The following ABCE1 variants were observed in gnomAD, a reference collection of about 807,000 sequenced individuals.
The protein encoded by ABCE1 is ATP-binding cassette sub-family E member 1.
Under a neutral mutation model 83.4 loss-of-function variants are expected in ABCE1, and 22 were observed. The observed-to-expected ratio is 0.26, with a 90% CI of 0.19 to 0.38. The LOEUF (loss-of-function observed/expected upper bound fraction) is 0.38, where lower values mean the gene tolerates loss of function less well. Ranked by LOEUF, ABCE1 falls within the 10% of genes least tolerant of loss-of-function variation. The pLI is 1.00. For synonymous variants in ABCE1, 204 were observed against 233.7 expected, an observed-to-expected ratio of 0.87 and a Z score of 1.16; for missense variants, 330 against 721.9, an observed-to-expected ratio of 0.46 and a Z score of 6.22.
rs771006105 is a variant in ABCE1 at position 145,121,409 on chromosome 4, A to G, written c.1263+18A>G. The G allele has an allele frequency of 4.4e-6, 7 of 1,595,124 alleles. No homozygotes were observed. The East Asian group carries it at 1.6e-4, about 36-fold the overall frequency. On this transcript the variant is annotated intron_variant, in intron 13 of 17. Coordinates refer to ENST00000296577, the MANE Select transcript of ABCE1 (RefSeq NM_002940.3). ...AATCAACTGTGAGTTATTATTTTTT[A>G]TATGGTTACTAAAGAAAATTTTGTA...
At chr4:145,113,281 G>GTCAA (rs1749529637) in intron 9 of ABCE1, among the ~76,000 whole-genome samples, 1 of 152,202 alleles carries the variant, frequency 6.6e-6, no homozygotes, top group Non-Finnish European at 1.5e-5. Context: ...GCACGGAAAT[G>GTCAA]TCAAGAAAGC....
At chr4:145,110,758 G>A (rs1207167334) in intron 7 of ABCE1, 38 of 542,066 alleles carry the variant, frequency 7.0e-5, no homozygotes, top group Admixed American at 6.7e-4. Context: ...CACTGCGCCC[G>A]GCCATTTTGT....
chr4:145,115,089 A>C (rs906591171), intron 9 of ABCE1, among the ~76,000 whole-genome samples: 1 of 151,940 alleles, frequency 6.6e-6, no homozygotes, highest in Admixed American at 6.6e-5. Context: ...GCCCCAAATT[A>C]ACTGTAGGGT....
chr4:145,111,510 TAG>T (rs987847438), intron 8 of ABCE1, among the ~76,000 whole-genome samples: 4 of 152,126 alleles, frequency 2.6e-5, no homozygotes, highest in African/African-American at 9.7e-5. Flanking sequence ...GTATTTTTAG[TAG>T]AGACGGGGTT....
chr4:145,110,352 CTG>C, intron 6 of ABCE1, 21 bp from the exon 7 acceptor site: 2 of 1,606,960 alleles, frequency 1.2e-6, no homozygotes, highest in Non-Finnish European at 1.7e-6. Context: ...AAAATAGTAA[CTG>C]TTTTTGGTAT....
intron 9 of ABCE1, among the ~76,000 whole-genome samples, chr4:145,116,686 T>C (rs533181527): frequency 2.0e-5 from 3 of 152,128 alleles, no homozygotes; most frequent in Admixed American, 2.0e-4. Flanking sequence ...TTCATTCAAA[T>C]ATAGCCACTT....
chr4:145,109,730 C>T (rs1033824521), intron 5 of ABCE1, among the ~76,000 whole-genome samples: 1 of 152,162 alleles, frequency 6.6e-6, no homozygotes, highest in African/African-American at 2.4e-5. Context: ...TCAAATAAAT[C>T]ATAAGTGTAT....
intron 5 of ABCE1, 141 bp from the exon 6 acceptor site, chr4:145,109,962 A>C (rs1185706102): frequency 1.4e-6 from 1 of 705,806 alleles, no homozygotes; most frequent in African/African-American, 1.9e-5. Flanking sequence ...TGAGACTTTT[A>C]TTAATTATGT....
chr4:145,120,830 A>C (rs1439105038), intron 11 of ABCE1, among the ~76,000 whole-genome samples: 1 of 152,158 alleles, frequency 6.6e-6, no homozygotes, highest in Non-Finnish European at 1.5e-5. Flanking sequence ...AATTACAGTT[A>C]TCTTTCATAA....
At chr4:145,106,903 A>G (rs1749319191) in intron 3 of ABCE1, among the ~76,000 whole-genome samples, 1 of 152,158 alleles carries the variant, frequency 6.6e-6, no homozygotes, top group Non-Finnish European at 1.5e-5. Flanking sequence ...TGTTTTTATA[A>G]TGTATAAAAT....
rs1749356469 is a variant in ABCE1 at position 145,108,085 on chromosome 4, A to G, written c.260A>G (p.Tyr87Cys). ...SNLEKETTHRYCANAFKLHRL... is the reference protein window; with the variant it reads ...SNLEKETTHRCCANAFKLHRL... The stretch of plus-strand genomic sequence containing the variant: ...TTGGAAAAAGAAACCACACATCGAT[A>G]TTGTGCCAATGCCTTCAAACTTCAC... Residue 87 changes from tyrosine (Y) to cysteine (C), a missense_variant, in exon 4 of 18, where the codon TAT becomes TGT. Physicochemically the swap from Tyr to Cys is radical, Grantham distance 194. Coordinates refer to ENST00000296577, the MANE Select transcript of ABCE1 (RefSeq NM_002940.3). The G allele has an allele frequency of 6.2e-7, 1 of 1,613,488 alleles. No individual in the cohort carries two copies.
intron 3 of ABCE1, among the ~76,000 whole-genome samples, chr4:145,106,582 G>T (rs1018464047): frequency 6.6e-5 from 10 of 151,994 alleles, no homozygotes; most frequent in African/African-American, 2.4e-4. Context: ...TTAAATTTTG[G>T]ATATACACTT....
intron 8 of ABCE1, 56 bp downstream of exon 8, chr4:145,111,120 G>T: frequency 1.7e-6 from 2 of 1,160,712 alleles, no homozygotes; most frequent in South Asian, 1.4e-5. Context: ...GTTTTCAGTT[G>T]TGATGCTGCT....
At position 145,098,360 on chromosome 4, in the gene ABCE1, T is replaced by C. The variant is rs1249734148; in HGVS notation, c.-87T>C. ...GAGAACACGCTGTGTGGCTGAAAAG[T>C]GAAGGCAAGAGCTGATTTGGCCTCT... On this transcript the variant is annotated 5_prime_UTR_variant, in exon 1 of 18. Coordinates refer to ENST00000296577, the MANE Select transcript of ABCE1 (RefSeq NM_002940.3). 1 of 152,458 alleles carries C rather than the reference T, an allele frequency of 6.6e-6. No homozygotes were observed. Among genetic ancestry groups the C allele is most frequent in the Non-Finnish European group, 1.5e-5 (1 of 68,226 alleles). 9.4% of individuals were successfully genotyped at this position (152,458 alleles called of 1,614,324 possible).
chr4:145,114,853 A>G (rs182455484), intron 9 of ABCE1, among the ~76,000 whole-genome samples: 6 of 152,084 alleles, frequency 3.9e-5, no homozygotes, highest in Admixed American at 2.6e-4. Context: ...TAAGATCTCT[A>G]TGTAGTGATA....
At chr4:145,118,009 TAAA>T (rs969151731) in intron 10 of ABCE1, among the ~76,000 whole-genome samples, 2 of 151,384 alleles carry the variant, frequency 1.3e-5, no homozygotes, top group African/African-American at 4.8e-5. Context: ...AGTGGCTCCT[TAAA>T]AAAAAGTACC....
In ABCE1 at chr4:145,123,467, T is replaced by C; in HGVS notation, c.1518-11T>C. ...AGAAAGCTATAAGATTTCAAAATCATTGTGTTTTAGTTTCATACTCCATGC... is the reference window on the plus strand; with the variant it reads ...AGAAAGCTATAAGATTTCAAAATCACTGTGTTTTAGTTTCATACTCCATGC... On this transcript the variant is annotated splice_polypyrimidine_tract_variant and intron_variant, in intron 15 of 17. Transcript: ENST00000296577. 1 of 1,593,806 alleles carries C rather than the reference T, an allele frequency of 6.3e-7. No homozygotes were observed.
rs756587420 is a variant in ABCE1, at chr4:145,125,080, A to G, written c.1731A>G (p.Ile577Met). Residue 577 changes from isoleucine (I) to methionine (M), a missense_variant, in exon 17 of 18, where the codon ATA (isoleucine) becomes ATG (methionine). By Grantham distance (10) the Ile-to-Met change is conservative (BLOSUM62 1). Coordinates refer to ENST00000296577, the MANE Select transcript of ABCE1 (RefSeq NM_002940.3). ...ATCCAAACAACTATAGGCCACGAAT[A>G]AACAAACTTAATTCAATTAAGGTAT... Reference protein sequence around the residue: ...RRDPNNYRPRINKLNSIKDVE... With the variant: ...RRDPNNYRPRMNKLNSIKDVE... 6.2e-7 allele frequency: 1 copy of G among 1,607,662 alleles called. No homozygotes were observed. The highest frequency in any genetic ancestry group is 1.7e-5 in the Admixed American group (1 of 59,918).
chr4:145,115,705 A>C (rs561813650), intron 9 of ABCE1, among the ~76,000 whole-genome samples: 5 of 151,948 alleles, frequency 3.3e-5, no homozygotes, highest in African/African-American at 1.2e-4. Flanking sequence ...AGTAGTCACT[A>C]TATGGGACAA....
Sources: gnomAD v4.1 joint callset for allele counts (sites outside exome capture counted in the v4.1 genomes callset) on GRCh38, gnomAD v4.1.1 for gene constraint, MANE v1.5 for transcripts, NCBI Gene and HGNC (gene_info 2026-07-23, HGNC 2026-07-21) for gene names.